The following SLIT3 variants were observed in gnomAD, a reference collection of about 807,000 sequenced individuals.
SLIT3 encodes slit guidance ligand 3, also known as slit homolog 3 protein.
Under a neutral mutation model 184.0 loss-of-function variants are expected in SLIT3, and 68 were observed. The observed-to-expected ratio is 0.37, with a 90% confidence interval of 0.30 to 0.45. The LOEUF is 0.45. Ranked by LOEUF, SLIT3 falls within the 20% of genes least tolerant of loss-of-function variation. The pLI, the probability that SLIT3 is intolerant of heterozygous loss-of-function variation, is 1.00. For synonymous variants in SLIT3, 831 were observed against 828.6 expected, an observed-to-expected ratio of 1.00 and a Z score of -0.05; for missense variants, 1,707 against 2,026.0, an observed-to-expected ratio of 0.84 and a Z score of 3.02.
At chr5:169,074,692 A>C (rs1167650526) in intron 4 of SLIT3, among the ~76,000 whole-genome samples, 1 of 152,168 alleles carries the variant, frequency 6.6e-6, no homozygotes, top group African/African-American at 2.4e-5. Flanking sequence ...CCAGGGACTC[A>C]TAACTCTGGC....
At chr5:169,236,527 G>A (rs1040910260) in intron 3 of SLIT3, among the ~76,000 whole-genome samples, 8 of 151,376 alleles carry the variant, frequency 5.3e-5, no homozygotes, top group Non-Finnish European at 1.0e-4. Context: ...CTGGAGTGCA[G>A]TGGTGTGATC....
At chr5:169,087,900 AC>A (rs1297354698) in intron 4 of SLIT3, among the ~76,000 whole-genome samples, 1 of 152,192 alleles carries the variant, frequency 6.6e-6, no homozygotes, top group African/African-American at 2.4e-5. Flanking sequence ...TGAAAGGAAA[AC>A]AAATTGCTCT....
intron 1 of SLIT3, among the ~76,000 whole-genome samples, chr5:169,286,627 C>A (rs1049130004): frequency 6.6e-6 from 1 of 152,190 alleles, no homozygotes; most frequent in African/African-American, 2.4e-5. Context: ...GTCAGAGGTA[C>A]GGCCAGGTCG....
chr5:168,778,219 T>G (rs535369206), intron 12 of SLIT3, among the ~76,000 whole-genome samples: 2 of 152,308 alleles, frequency 1.3e-5, no homozygotes, highest in African/African-American at 4.8e-5. Context: ...CACTATCTTA[T>G]GTAACCCCCA....
chr5:168,682,203 C>T (rs1207460327), intron 32 of SLIT3, among the ~76,000 whole-genome samples: 1 of 152,234 alleles, frequency 6.6e-6, no homozygotes, highest in Non-Finnish European at 1.5e-5. Flanking sequence ...TCTTTATCCA[C>T]CTTCCACTGG....
intron 4 of SLIT3, among the ~76,000 whole-genome samples, chr5:169,045,429 A>G (rs987968128): frequency 6.3e-5 from 6 of 94,554 alleles, no homozygotes; most frequent in African/African-American, 1.1e-4. Flanking sequence ...TCCATGCAGG[A>G]AAAAAAAAAA....
At chr5:168,963,971 T>C (rs562018540) in intron 4 of SLIT3, among the ~76,000 whole-genome samples, 1 of 152,196 alleles carries the variant, frequency 6.6e-6, no homozygotes, top group African/African-American at 2.4e-5. Context: ...GAGCAATAAA[T>C]ATCAACGATT....
intron 8 of SLIT3, among the ~76,000 whole-genome samples, chr5:168,814,680 A>G (rs1032363804): frequency 2.0e-5 from 3 of 152,250 alleles, no homozygotes; most frequent in Non-Finnish European, 2.9e-5. Context: ...CACAAAGTGT[A>G]TTTAACAATT....
chr5:169,043,074 C>T (rs1328837808), intron 4 of SLIT3, among the ~76,000 whole-genome samples: 1 of 152,138 alleles, frequency 6.6e-6, no homozygotes, highest in Non-Finnish European at 1.5e-5. Context: ...ATGTGACTGT[C>T]TCTGTACTGA....
Position 168,665,281 on chromosome 5 carries a change from T to A in SLIT3, c.*1173A>T, listed in dbSNP as rs745976716. The A allele has an allele frequency of 1.1e-4, 16 of 152,242 alleles. No homozygotes were observed. Among genetic ancestry groups the A allele is most frequent in the Non-Finnish European group, 2.1e-4 (14 of 68,070 alleles). 9.4% of individuals were successfully genotyped at this position (152,242 alleles called of 1,614,324 possible). Reference sequence around the variant, plus strand: ...GATATGCATTGGAAAGTGTCACAGATGGGCAAGGAGTCTCTATCGTCATGC... The same window carrying A: ...GATATGCATTGGAAAGTGTCACAGAAGGGCAAGGAGTCTCTATCGTCATGC... On this transcript the variant is annotated 3_prime_UTR_variant, in exon 36 of 36. Coordinates refer to ENST00000519560, the MANE Select transcript of SLIT3 (RefSeq NM_003062.4).
At chr5:168,884,377 G>A (rs1760089847) in intron 4 of SLIT3, among the ~76,000 whole-genome samples, 1 of 149,430 alleles carries the variant, frequency 6.7e-6, no homozygotes, top group Non-Finnish European at 1.5e-5. Flanking sequence ...GGGACACAAT[G>A]AGCTCTTTAC....
chr5:168,713,267 C>T (rs1762617112), intron 23 of SLIT3, among the ~76,000 whole-genome samples: 1 of 152,174 alleles, frequency 6.6e-6, no homozygotes, highest in South Asian at 2.1e-4. Context: ...AATCATGCCT[C>T]TCTCCACCCT....
At chr5:169,129,312 G>A (rs1211094701) in intron 4 of SLIT3, among the ~76,000 whole-genome samples, 2 of 152,196 alleles carry the variant, frequency 1.3e-5, no homozygotes, top group Non-Finnish European at 2.9e-5. Context: ...AGCACTTTGG[G>A]AGGCCAAGTG....
chr5:169,006,507 G>GT (rs1420965351), intron 4 of SLIT3, among the ~76,000 whole-genome samples: 1 of 151,378 alleles, frequency 6.6e-6, no homozygotes, highest in Non-Finnish European at 1.5e-5. Context: ...AGAGGGTTTT[G>GT]TTTTTTAAAC....
intron 1 of SLIT3, among the ~76,000 whole-genome samples, chr5:169,277,682 A>G (rs1381600145): frequency 2.6e-5 from 4 of 152,018 alleles, no homozygotes; most frequent in Admixed American, 6.5e-5. Flanking sequence ...GTTTTTTTCC[A>G]TATTTTGGCT....
At chr5:168,858,263 TGCAA>T (rs1207225615) in intron 5 of SLIT3, among the ~76,000 whole-genome samples, 70 of 152,284 alleles carry the variant, frequency 4.6e-4, no homozygotes, top group African/African-American at 1.6e-3. Context: ...TTCTGGGACA[TGCAA>T]GGGCAGAGAA....
rs1201321787 is a variant in SLIT3, at chr5:168,762,771, C to G, written c.1460-82G>C. 2.8e-6 allele frequency: 4 copies of G among 1,424,194 alleles called. No homozygotes were observed. In the African/African-American group the frequency reaches 5.6e-5, roughly 20 times the overall value. The allele number at this position is 1,424,194 out of a possible 1,614,324, so 88.2% of individuals were successfully genotyped here. A position where few individuals can be genotyped will look rare whatever the true frequency, so the allele number is the denominator to read the frequency against. ...GGTTGTGGGTAGTGGGGGTGGGAGA[C>G]AGAGATGGGGGAATGAGTTGGGGGC... On this transcript the variant is annotated intron_variant, in intron 14 of 35. Transcript: ENST00000519560.
rs150291919 is a variant in SLIT3 at position 168,782,561 on chromosome 5, T to C, written c.1151+3346A>G. On this transcript the variant is annotated intron_variant, in intron 12 of 35. Transcript: ENST00000519560. ...ATGAGCCTGGGTGGGCAGGGGAAGG[T>C]AGAGGAGCAAGACCATTCACCCTGA... Among the ~76,000 whole-genome samples the C allele has an allele frequency of 3.6e-3, 541 of 152,188 alleles. 3 individuals are homozygous for C. Among genetic ancestry groups the C allele is most frequent in the African/African-American group, 0.012 (515 of 41,510 alleles).
chr5:168,721,584 G>A (rs543732180), intron 23 of SLIT3, among the ~76,000 whole-genome samples: 145 of 152,318 alleles, frequency 9.5e-4, no homozygotes, highest in African/African-American at 3.2e-3. Context: ...TAAAGGGGCA[G>A]GGCTGCTCAG....
Sources: gnomAD v4.1 joint callset for allele counts (sites outside exome capture counted in the v4.1 genomes callset) on GRCh38, gnomAD v4.1.1 for gene constraint, MANE v1.5 for transcripts, NCBI Gene and HGNC (gene_info 2026-07-23, HGNC 2026-07-21) for gene names.